The following SLC6A20 variants were observed in gnomAD, a reference collection of about 807,000 sequenced individuals.
SLC6A20 encodes the protein solute carrier family 6 member 20.
In SLC6A20, 73 loss-of-function variants were observed where a neutral mutation model predicts 64.3. That is an observed-to-expected ratio of 1.14 (90% CI 0.94 to 1.38). The LOEUF is 1.38. Among genes scored for constraint, SLC6A20 ranks in the 40% most tolerant of loss-of-function variants. The pLI is 0.00. For synonymous variants in SLC6A20, 347 were observed against 329.6 expected (o/e 1.05, Z -0.57); for missense variants, 725 against 772.8 (o/e 0.94, Z 0.73).
chr3:45,759,162 C>T (rs1477811289), intron 10 of SLC6A20, 35 bp from the exon 11 acceptor site: 1 of 1,580,876 alleles, frequency 6.3e-7, no homozygotes, highest in Non-Finnish European at 8.6e-7. Context: ...CAGAGAGCAC[C>T]TGCTGAGCAC....
At chr3:45,777,768 C>T (rs1408236024) in intron 3 of SLC6A20, among the ~76,000 whole-genome samples, 1 of 152,182 alleles carries the variant, frequency 6.6e-6, no homozygotes, top group Admixed American at 6.5e-5. Context: ...TCCCCTTGGG[C>T]CATTTACAGC....
intron 2 of SLC6A20, among the ~76,000 whole-genome samples, chr3:45,780,785 C>G (rs914794358): frequency 6.6e-6 from 1 of 152,176 alleles, no homozygotes; most frequent in Admixed American, 6.5e-5. Flanking sequence ...CTGGGACACT[C>G]GGTAGTAGAA....
chr3:45,793,003 A>C (rs571876273), intron 1 of SLC6A20, among the ~76,000 whole-genome samples: 1 of 152,342 alleles, frequency 6.6e-6, no homozygotes, highest in East Asian at 1.9e-4. Context: ...CGTCTGGATC[A>C]GAATCCCTGG....
At chr3:45,777,260 G>A (rs768845496) in intron 3 of SLC6A20, among the ~76,000 whole-genome samples, 5 of 152,162 alleles carry the variant, frequency 3.3e-5, no homozygotes, top group Non-Finnish European at 7.4e-5. Flanking sequence ...CTGGAGCCCA[G>A]GTCTGCACAC....
At chr3:45,770,914 C>A (rs779476703) in intron 6 of SLC6A20, among the ~76,000 whole-genome samples, 1 of 152,212 alleles carries the variant, frequency 6.6e-6, no homozygotes, top group African/African-American at 2.4e-5. Context: ...ATCTCTGTGG[C>A]TCAGCTAGAG....
chr3:45,793,081 C>T (rs1357670248), intron 1 of SLC6A20, among the ~76,000 whole-genome samples: 1 of 152,242 alleles, frequency 6.6e-6, no homozygotes, highest in East Asian at 1.9e-4. Context: ...ATGCAATTCT[C>T]TAAGCAATTT....
rs1699537704 is a variant in SLC6A20 at position 45,756,127 on chromosome 3, C to A, written c.*2851G>T. On this transcript the variant is annotated 3_prime_UTR_variant, in exon 11 of 11. Transcript: ENST00000358525. ...GTGGGCATCTGGAGTTTTAAATGCT[C>A]CCAGGTGGTTGGAATGCGCTGCAAG... 6.6e-6 allele frequency: 1 copy of A among 152,146 alleles called. No individual in the cohort carries two copies. The highest frequency in any genetic ancestry group is 6.5e-5 in the Admixed American group (1 of 15,276). The allele number at this position is 152,146 out of a possible 1,614,324, so 9.4% of individuals were successfully genotyped here.
At chr3:45,785,754 C>T (rs1366384503) in intron 1 of SLC6A20, among the ~76,000 whole-genome samples, 1 of 152,178 alleles carries the variant, frequency 6.6e-6, no homozygotes, top group Non-Finnish European at 1.5e-5. Flanking sequence ...TTCTTCAGCG[C>T]TCCTCCCCTG....
intron 8 of SLC6A20, among the ~76,000 whole-genome samples, chr3:45,764,410 A>C (rs1236487474): frequency 6.6e-6 from 1 of 152,210 alleles, no homozygotes; most frequent in East Asian, 1.9e-4. Flanking sequence ...TATGAAATTC[A>C]GGAACAGGAA....
chr3:45,792,049 T>C (rs1700262640), intron 1 of SLC6A20, among the ~76,000 whole-genome samples: 1 of 152,140 alleles, frequency 6.6e-6, no homozygotes, highest in Non-Finnish European at 1.5e-5. Context: ...TTGAGGTATA[T>C]TCAGGGAAGG....
intron 4 of SLC6A20, among the ~76,000 whole-genome samples, chr3:45,775,288 T>G (rs1405755111): frequency 6.6e-6 from 1 of 152,064 alleles, no homozygotes; most frequent in Non-Finnish European, 1.5e-5. Context: ...CCCCACCCAG[T>G]GCTCAGGACA....
chr3:45,763,408 AATT>A (rs1431718855), intron 8 of SLC6A20, among the ~76,000 whole-genome samples: 2 of 152,212 alleles, frequency 1.3e-5, no homozygotes, highest in African/African-American at 4.8e-5. Flanking sequence ...GTGGGTCTAC[AATT>A]ATAACCCCCG....
rs966406509 is a variant in SLC6A20 at position 45,762,954 on chromosome 3, C to A, written c.1422G>T (p.Leu474=). 1.9e-6 allele frequency: 3 copies of A among 1,614,158 alleles called. No homozygotes were observed. The highest frequency in any genetic ancestry group is 1.6e-4 in the Middle Eastern group (1 of 6,062). ...AATLSLLLIV[L]VETIAVCYVY... ...CGTAGCACACGGCAATCGTCTCCAC[C>A]AGCACGATGAGCAGCAGGGACAGTG... Residue 474 remains leucine, a synonymous_variant, in exon 9 of 11, where the codon CTG becomes CTT. Transcript: ENST00000358525.
rs138797702 is a variant in SLC6A20, at chr3:45,782,123, G to A, written c.222C>T (p.Ile74=). The A allele has an allele frequency of 1.2e-5, 20 of 1,613,172 alleles. No individual in the cohort carries two copies. Among genetic ancestry groups the A allele is most frequent in the East Asian group, 1.1e-4 (5 of 44,792 alleles). Residue 74 remains isoleucine, a synonymous_variant, in exon 2 of 11, where the codon ATC becomes ATT. Coordinates refer to ENST00000358525, the MANE Select transcript of SLC6A20 (RefSeq NM_020208.4). ...ACGGGCTGATGGTCCTCCAGGCGCC[G>A]ATGCTGCCCTGCCGCATGCGCTGCC... ...AVGQRMRQGS[I]GAWRTISPYL...
In SLC6A20 at chr3:45,759,778, CT is replaced by C. The variant is rs1699631171; in HGVS notation, c.1629+78del. Reference sequence around the variant, plus strand: ...CTACCCACACCATGGAAATAGTCCCCTGGTTTCGGAAAATGAATGGCCCATG... The same window carrying C: ...CTACCCACACCATGGAAATAGTCCCCGGTTTCGGAAAATGAATGGCCCATG... On this transcript the variant is annotated intron_variant, in intron 10 of 10. Coordinates refer to ENST00000358525, the MANE Select transcript of SLC6A20 (RefSeq NM_020208.4). 3 of 1,495,560 alleles carry C rather than the reference CT, an allele frequency of 2.0e-6. No individual in the cohort carries two copies. The African/African-American group carries it at 4.2e-5, about 21-fold the overall frequency. 92.6% of individuals were successfully genotyped at this position (1,495,560 alleles called of 1,614,324 possible). A position where few individuals can be genotyped will look rare whatever the true frequency, so the allele number is the denominator to read the frequency against.
chr3:45,771,952 G>A (rs766700242), intron 5 of SLC6A20: 19 of 176,866 alleles, frequency 1.1e-4, no homozygotes, highest in Middle Eastern at 2.5e-3. Context: ...ACTGACATCG[G>A]TGGCGTCTGG....
chr3:45,783,289 A>C (rs1700125881), intron 1 of SLC6A20, among the ~76,000 whole-genome samples: 1 of 152,228 alleles, frequency 6.6e-6, no homozygotes, highest in African/African-American at 2.4e-5. Flanking sequence ...CAGACACTAC[A>C]ACTGCAAAGA....
At chr3:45,771,803 A>G in intron 5 of SLC6A20, 1 of 345,618 alleles carries the variant, frequency 2.9e-6, no homozygotes, top group African/African-American at 2.0e-5. Flanking sequence ...GGAGGTGTGC[A>G]ATGGAATACT....
chr3:45,762,037 A>G (rs981262307), intron 9 of SLC6A20, among the ~76,000 whole-genome samples: 2 of 152,204 alleles, frequency 1.3e-5, no homozygotes, highest in African/African-American at 4.8e-5. Context: ...AACGTGGCAC[A>G]GCCTCCTCGC....
Sources: gnomAD v4.1 joint callset for allele counts (sites outside exome capture counted in the v4.1 genomes callset) on GRCh38, gnomAD v4.1.1 for gene constraint, MANE v1.5 for transcripts, NCBI Gene and HGNC (gene_info 2026-07-23, HGNC 2026-07-21) for gene names.